The following RP1 variants were observed in gnomAD, a reference collection of about 807,000 sequenced individuals.
RP1 encodes the protein oxygen-regulated protein 1.
RP1 carries 16 observed loss-of-function variants against 14.8 expected under a neutral mutation model. The ratio of observed to expected loss-of-function variants is 1.08; its 90% CI spans 0.73 to 1.65. RP1 has a LOEUF of 1.65. Ranked by LOEUF, RP1 falls within the 40% of genes most tolerant of loss-of-function variation. The probability of loss-of-function intolerance (pLI) is 0.00; values close to 1 mark genes in which losing one functional copy is unlikely to be tolerated. For missense variants in RP1, 2,631 were observed against 2,535.0 expected (o/e 1.04, Z -0.81); for synonymous variants, 876 against 883.6 (o/e 0.99, Z 0.15).
chr8:54,775,309 C>G lies in RP1; in HGVS notation c.3451+5142C>G, dbSNP rs568366550. On this transcript the variant is annotated intron_variant, in intron 23 of 28. Transcript: ENST00000637698. The stretch of plus-strand genomic sequence containing the variant: ...AAAAGGTGGAATCAACTTGGGCAGA[C>G]ATTTGAAACTGCCTTGACTAACTGT... Among the ~76,000 whole-genome samples, 210 of 152,268 alleles carry G rather than the reference C, an allele frequency of 1.4e-3. 1 individual carries two copies. Among genetic ancestry groups the G allele is most frequent in the Middle Eastern group, 3.4e-3 (1 of 294 alleles).
intron 24 of RP1, among the ~76,000 whole-genome samples, chr8:54,833,880 A>G (rs569372295): frequency 6.6e-6 from 1 of 152,182 alleles, no homozygotes; most frequent in African/African-American, 2.4e-5. Context: ...TTTGCAAATT[A>G]TTATCAGATT....
At chr8:54,736,375 G>T (rs1169211331) in intron 18 of RP1, among the ~76,000 whole-genome samples, 2 of 152,126 alleles carry the variant, frequency 1.3e-5, no homozygotes, top group Non-Finnish European at 2.9e-5. Flanking sequence ...CAGAGACCAG[G>T]TTCAAATCAC....
chr8:54,824,566 A>G (rs1811337937), intron 24 of RP1, among the ~76,000 whole-genome samples: 1 of 152,240 alleles, frequency 6.6e-6, no homozygotes, highest in Non-Finnish European at 1.5e-5. Flanking sequence ...CTATGAAGCC[A>G]TTATTACCTT....
intron 1 of RP1, among the ~76,000 whole-genome samples, chr8:54,562,241 C>T (rs1804301457): frequency 6.6e-6 from 1 of 152,150 alleles, no homozygotes; most frequent in Admixed American, 6.5e-5. Flanking sequence ...ATGGGAGCAA[C>T]ATTTTTCATT....
chr8:54,561,299 C>A (rs1360027117), intron 1 of RP1, among the ~76,000 whole-genome samples: 1 of 152,174 alleles, frequency 6.6e-6, no homozygotes, highest in Non-Finnish European at 1.5e-5. Flanking sequence ...TTTCCTTCTT[C>A]TTTTTGGCCA....
At chr8:54,642,931 G>C (rs920054502) in intron 3 of RP1, among the ~76,000 whole-genome samples, 1 of 152,040 alleles carries the variant, frequency 6.6e-6, no homozygotes, top group East Asian at 1.9e-4. Flanking sequence ...ACAATGTTTT[G>C]ATTTGCCTTT....
intron 21 of RP1, among the ~76,000 whole-genome samples, chr8:54,755,977 T>C (rs909619503): frequency 6.6e-6 from 1 of 152,074 alleles, no homozygotes; most frequent in Admixed American, 6.5e-5. Context: ...CAACAGTATA[T>C]AATAGAACAA....
At chr8:54,727,311 T>G (rs1424357565) in intron 17 of RP1, among the ~76,000 whole-genome samples, 1 of 152,106 alleles carries the variant, frequency 6.6e-6, no homozygotes, top group Non-Finnish European at 1.5e-5. Context: ...TGGAGCAGTG[T>G]GAAGAATCAC....
At chr8:54,823,416 T>C (rs1182049399) in intron 24 of RP1, among the ~76,000 whole-genome samples, 1 of 152,136 alleles carries the variant, frequency 6.6e-6, no homozygotes. Context: ...CTGCAACCTC[T>C]GCCTCCCAGG....
intron 15 of RP1, among the ~76,000 whole-genome samples, chr8:54,708,057 G>A (rs1808192705): frequency 6.6e-6 from 1 of 152,316 alleles, no homozygotes; most frequent in African/African-American, 2.4e-5. Context: ...GAGGAAATCA[G>A]TAAGTAGCCT....
At chr8:54,679,972 C>T (rs941292987) in intron 12 of RP1, 8 of 1,513,318 alleles carry the variant, frequency 5.3e-6, no homozygotes, top group African/African-American at 4.2e-5. Context: ...CTGGACAGGT[C>T]TGGGAGTTAA....
intron 7 of RP1, among the ~76,000 whole-genome samples, chr8:54,668,956 A>T (rs895876452): frequency 6.6e-6 from 1 of 152,214 alleles, no homozygotes; most frequent in Non-Finnish European, 1.5e-5. Context: ...ACTATTCAGG[A>T]CATAGGCATG....
intron 23 of RP1, among the ~76,000 whole-genome samples, chr8:54,776,212 A>AT (rs1156604872): frequency 6.6e-6 from 1 of 152,076 alleles, no homozygotes; most frequent in Non-Finnish European, 1.5e-5. Flanking sequence ...TGGTTAGTTT[A>AT]TTTTTTAGAG....
chr8:54,627,054 C>T lies in RP1; in HGVS notation c.3172C>T (p.Leu1058=). Residue 1058 remains leucine, a synonymous_variant, in exon 4 of 4, where the codon CTA becomes TTA. Coordinates refer to ENST00000220676, the MANE Select transcript of RP1 (RefSeq NM_006269.2). The part of the protein sequence containing the change: ...EKKLVYQEIN[L]ARKRQSVEAA... Reference sequence around the variant, plus strand: ...AAAACTTGTTTACCAGGAAATAAACCTAGCTAGAAAAAGGCAAAGTGTAGA... The same window carrying T: ...AAAACTTGTTTACCAGGAAATAAACTTAGCTAGAAAAAGGCAAAGTGTAGA... 6.2e-7 allele frequency: 1 copy of T among 1,613,926 alleles called. No individual in the cohort carries two copies. Among genetic ancestry groups the T allele is most frequent in the Non-Finnish European group, 8.5e-7 (1 of 1,179,938 alleles).
At chr8:54,615,734 A>C (rs983938691), upstream of RP1, among the ~76,000 whole-genome samples, 3 of 152,240 alleles carry the variant, frequency 2.0e-5, no homozygotes, top group Non-Finnish European at 4.4e-5. Flanking sequence ...TACCAGGAGC[A>C]AGTACTGACT....
In RP1 at chr8:54,826,113, T is replaced by C. The variant is rs896423159; in HGVS notation, c.3616-11337T>C. On this transcript the variant is annotated intron_variant, in intron 24 of 28. Coordinates refer to the RP1 transcript ENST00000637698. ...AAGCAAAAAAAGTTGTAATAAGAGATGGTTGACTAGAGAAAAAGGCAGCTT... is the reference window on the plus strand; with the variant it reads ...AAGCAAAAAAAGTTGTAATAAGAGACGGTTGACTAGAGAAAAAGGCAGCTT... Among the ~76,000 whole-genome samples, 10 of 152,248 alleles carry C rather than the reference T, an allele frequency of 6.6e-5. No individual in the cohort carries two copies. The East Asian group carries it at 1.4e-3, about 21-fold the overall frequency.
Position 54,625,238 on chromosome 8 carries a change from T to C in RP1, c.1356T>C (p.Pro452=). Residue 452 remains proline (P), a synonymous_variant, in exon 4 of 4, where the codon CCT becomes CCC. Transcript: ENST00000220676. ...AKHRFYRPPT[P]GLRRVRQKKS... ...ATCGTTTTTATAGGCCCCCTACACCTGGACTAAGAAGAGTGAGACAAAAGA... is the reference window on the plus strand; with the variant it reads ...ATCGTTTTTATAGGCCCCCTACACCCGGACTAAGAAGAGTGAGACAAAAGA... 1 of 1,614,148 alleles carries C rather than the reference T, an allele frequency of 6.2e-7. No homozygotes were observed.
intron 1 of RP1, among the ~76,000 whole-genome samples, chr8:54,584,347 T>C (rs1804866726): frequency 6.6e-6 from 1 of 152,254 alleles, no homozygotes; most frequent in Non-Finnish European, 1.5e-5. Context: ...CTAGTTTGAT[T>C]GCACTGTGGT....
chr8:54,852,587 G>T lies in RP1; in HGVS notation c.3849G>T (p.Glu1283Asp), dbSNP rs562531895. 4.4e-4 allele frequency: 547 copies of T among 1,231,830 alleles called. 2 individuals carry two copies. Among genetic ancestry groups the T allele is most frequent in the East Asian group, 2.6e-3 (82 of 31,682 alleles). The allele number at this position is 1,231,830 out of a possible 1,614,324, so 76.3% of individuals were successfully genotyped here. ...CTTACATTTCAGTGGTGCTTTATGA[G>T]ATTCGCATATACACAGGCACAATGA... The change falls in exon 26 of 29, where the codon GAG becomes GAT. Residue 1283 changes from glutamate to aspartate, a missense_variant. Physicochemically the swap from Glu to Asp is conservative, Grantham distance 45. Transcript: ENST00000637698.
Sources: allele counts gnomAD v4.1 joint callset (sites outside exome capture counted in the v4.1 genomes callset), GRCh38; gene constraint gnomAD v4.1.1; transcripts MANE v1.5; gene names NCBI Gene and HGNC (gene_info 2026-07-23, HGNC 2026-07-21).